LRP1: variants seen among roughly 807,000 people sequenced by gnomAD.
LRP1 encodes the protein LDL receptor related protein 1, also known as prolow-density lipoprotein receptor-related protein 1.
A neutral mutation model predicts 541.5 loss-of-function variants in LRP1; 51 were observed. That is an observed-to-expected ratio of 0.09 (90% CI 0.08 to 0.12). The LOEUF (loss-of-function observed/expected upper bound fraction) is 0.12, where lower values mean the gene tolerates loss of function less well. Among genes scored for constraint, LRP1 ranks in the 10% least tolerant of loss-of-function variants. The probability of loss-of-function intolerance (pLI) is 1.00; values close to 1 mark genes in which losing one functional copy is unlikely to be tolerated. For synonymous variants in LRP1, 2,219 were observed against 2,470.8 expected, an observed-to-expected ratio of 0.90 and a Z score of 3.02; for missense variants, 3,878 against 6,376.2, an observed-to-expected ratio of 0.61 and a Z score of 13.34.
intron 70 of LRP1, chr12:57,203,767 C>G: frequency 2.1e-6 from 1 of 485,126 alleles, no homozygotes; most frequent in South Asian, 3.6e-5. Context: ...GTCTAGGGGA[C>G]CAGTTGAGCT....
At position 57,202,543 on chromosome 12, in the gene LRP1, T is replaced by TTGCC; in HGVS notation, c.10711+6_10711+7insTGCC. 1.3e-6 allele frequency: 2 copies of TTGCC among 1,523,634 alleles called. No homozygotes were observed. The highest frequency in any genetic ancestry group is 8.9e-7 in the Non-Finnish European group (1 of 1,124,810). The allele number at this position is 1,523,634 out of a possible 1,614,324, so 94.4% of individuals were successfully genotyped here. A position where few individuals can be genotyped will look rare whatever the true frequency, so the allele number is the denominator to read the frequency against. On this transcript the variant is annotated splice_region_variant and intron_variant, in intron 68 of 88. Transcript: ENST00000243077. The stretch of plus-strand genomic sequence containing the variant: ...CTCCGATGAAGAGAGCTGCAGTACG[T>TTGCC]CCCCACCCACCCAGCCCCGCATGAG...
chr12:57,195,533 A>G, intron 52 of LRP1, 125 bp from the exon 53 acceptor site: 9 of 1,571,940 alleles, frequency 5.7e-6, no homozygotes, highest in Non-Finnish European at 7.8e-6. Context: ...GCTGTAGCCC[A>G]GGTGTCCAGA....
rs2036101543 is a variant in LRP1, at chr12:57,178,798, G to A, written c.4607-92G>A. The A allele has an allele frequency of 1.1e-5, 17 of 1,533,346 alleles. No individual in the cohort carries two copies. The South Asian group carries it at 1.9e-4, about 17-fold the overall frequency. 95.0% of individuals were successfully genotyped at this position (1,533,346 alleles called of 1,614,324 possible). A position where few individuals can be genotyped will look rare whatever the true frequency, so the allele number is the denominator to read the frequency against. On this transcript the variant is annotated intron_variant, in intron 27 of 88. Transcript: ENST00000243077. This position sits in a 1 kb window ranked among gnomAD's most constrained non-coding sequence, Gnocchi z 5.8. ...TAGTAGTAGCGGCTGCTGGAACAGG[G>A]GGAGGAGAGTGGGCGAGGAAGGGGT...
chr12:57,178,253 T>C lies in LRP1; in HGVS notation c.4362-106T>C, dbSNP rs2036089733. 1.5e-6 allele frequency: 2 copies of C among 1,354,786 alleles called. No individual in the cohort carries two copies. The highest frequency in any genetic ancestry group is 4.8e-5 in the East Asian group (2 of 41,424). 83.9% of individuals were successfully genotyped at this position (1,354,786 alleles called of 1,614,324 possible). On this transcript the variant is annotated intron_variant, in intron 26 of 88. Coordinates refer to ENST00000243077, the MANE Select transcript of LRP1 (RefSeq NM_002332.3). The surrounding 1 kb of genome is among the most constrained non-coding windows in gnomAD (Gnocchi z 5.8). ...TAGGGGAGGGAATGGTCCCATGCTC[T>C]TCGCTGGGAGGGCTGTGGCCAGGGC...
chr12:57,140,957 C>T (rs1044119088), intron 2 of LRP1, among the ~76,000 whole-genome samples: 1 of 152,146 alleles, frequency 6.6e-6, no homozygotes, highest in African/African-American at 2.4e-5. Context: ...TCATCTTGAA[C>T]TCCTGACCTC....
Position 57,165,740 on chromosome 12 carries a change from G to C in LRP1, c.2531-65G>C. On this transcript the variant is annotated intron_variant, in intron 15 of 88. Coordinates refer to ENST00000243077, the MANE Select transcript of LRP1 (RefSeq NM_002332.3). The surrounding 1 kb of genome is among the most constrained non-coding windows in gnomAD (Gnocchi z 4.5). ...GTAAAACAAACAAAAATGGTGCAAA[G>C]GGCTTAGTACTTGTCCCACGACCGG... 1 of 1,528,056 alleles carries C rather than the reference G, an allele frequency of 6.5e-7. No individual in the cohort carries two copies. Among genetic ancestry groups the C allele is most frequent in the Non-Finnish European group, 8.9e-7 (1 of 1,118,600 alleles). 94.7% of individuals were successfully genotyped at this position (1,528,056 alleles called of 1,614,324 possible). A position where few individuals can be genotyped will look rare whatever the true frequency, so the allele number is the denominator to read the frequency against.
chr12:57,195,970 G>A lies in LRP1; in HGVS notation c.8668G>A (p.Glu2890Lys). 1.2e-6 allele frequency: 2 copies of A among 1,613,208 alleles called. No homozygotes were observed. The highest frequency in any genetic ancestry group is 2.2e-5 in the East Asian group (1 of 44,882). ...GAATGACTGCCACGACCAGAGTGAC[G>A]AGGCTCCCAAGAACCCACACTGCAC... ...GENDCHDQSD[E>K]APKNPHCTSQ... The change falls in exon 54 of 89, where the codon GAG becomes AAG. Residue 2890 changes from glutamate (E) to lysine (K), a missense_variant. Glu to Lys is a moderately conservative substitution (Grantham distance 56). Coordinates refer to ENST00000243077, the MANE Select transcript of LRP1 (RefSeq NM_002332.3).
At chr12:57,208,841 G>C in intron 78 of LRP1, 24 bp downstream of exon 78, 1 of 1,581,990 alleles carries the variant, frequency 6.3e-7, no homozygotes, top group Non-Finnish European at 8.7e-7. Context: ...GGTGCAGGAG[G>C]GACGGGCATG....
At chr12:57,141,633 T>C in intron 3 of LRP1, 122 bp downstream of exon 3, 1 of 1,285,554 alleles carries the variant, frequency 7.8e-7, no homozygotes. Flanking sequence ...CTGCCTAGAT[T>C]TACCTTCAGA....
Position 57,195,076 on chromosome 12 carries a change from T to A in LRP1, c.8283T>A (p.Asp2761Glu). 6.2e-7 allele frequency: 1 copy of A among 1,613,968 alleles called. No homozygotes were observed. Among genetic ancestry groups the A allele is most frequent in the Non-Finnish European group, 8.5e-7 (1 of 1,179,902 alleles). Reference sequence around the variant, plus strand: ...GTGACGGCAGCGATGACTGTGGGGATGGCTCAGACGAGGCTGCTCACTGTG... The same window carrying A: ...GTGACGGCAGCGATGACTGTGGGGAAGGCTCAGACGAGGCTGCTCACTGTG... ...WLCDGSDDCG[D>E]GSDEAAHCEG... The change falls in exon 51 of 89, where the codon GAT (aspartate) becomes GAA (glutamate). Residue 2761 changes from aspartate (D) to glutamate (E), a missense_variant. Asp to Glu is a conservative substitution (Grantham distance 45). Coordinates refer to ENST00000243077, the MANE Select transcript of LRP1 (RefSeq NM_002332.3).
intron 33 of LRP1, 150 bp downstream of exon 33, chr12:57,180,957 C>A (rs35097195): frequency 7.9e-7 from 1 of 1,258,346 alleles, no homozygotes; most frequent in Non-Finnish European, 1.1e-6. Context: ...ACCACAAAGG[C>A]GCCTTGTAGG....
rs748657287 is a variant in LRP1 at position 57,196,326 on chromosome 12, A to G, written c.8892+49A>G. On this transcript the variant is annotated intron_variant, in intron 55 of 88. Transcript: ENST00000243077. ...CTTCCACACCCCAGACGTGCCAGGA[A>G]CGCCTTTCTCCACTGCCTTATTCAT... The G allele has an allele frequency of 4.1e-6, 6 of 1,463,114 alleles. No individual in the cohort carries two copies. In the Admixed American group the frequency reaches 1.2e-4, roughly 28 times the overall value. The allele number at this position is 1,463,114 out of a possible 1,614,324, so 90.6% of individuals were successfully genotyped here. A position where few individuals can be genotyped will look rare whatever the true frequency, so the allele number is the denominator to read the frequency against.
chr12:57,183,361 A>C lies in LRP1; in HGVS notation c.5663-18A>C. On this transcript the variant is annotated intron_variant, in intron 34 of 88. Transcript: ENST00000243077. The surrounding 1 kb of genome is among the most constrained non-coding windows in gnomAD (Gnocchi z 6.1). ...GAGTGTTGGCGATACCCATGCCTTA[A>C]GTTTCCTTGTCTTTCAGGCGTAGGT... The C allele has an allele frequency of 6.3e-7, 1 of 1,592,074 alleles. No homozygotes were observed. Among genetic ancestry groups the C allele is most frequent in the Non-Finnish European group, 8.6e-7 (1 of 1,162,436 alleles).
Position 57,197,091 on chromosome 12 carries a change from G to A in LRP1, c.9002G>A (p.Gly3001Asp). The change falls in exon 56 of 89, where the codon GGC becomes GAC. Residue 3001 changes from glycine to aspartate, a missense_variant. Gly to Asp is a moderately conservative substitution (Grantham distance 94). Around this residue, in one of 13 missense-constraint regions of LRP1, gnomAD observed 1,100 missense variants for 1,827.4 expected, o/e 0.60. Coordinates refer to ENST00000243077, the MANE Select transcript of LRP1 (RefSeq NM_002332.3). The surrounding 1 kb of genome is among the most constrained non-coding windows in gnomAD (Gnocchi z 4.5). ...AGCCAGCGCTGCATCAACACTCATG[G>A]CAGCTATAAGTGTCTGTGTGTGGAG... ...PCSQRCINTHGSYKCLCVEGY... is the reference protein window; with the variant it reads ...PCSQRCINTHDSYKCLCVEGY... The A allele has an allele frequency of 6.2e-7, 1 of 1,614,118 alleles. No individual in the cohort carries two copies. The highest frequency in any genetic ancestry group is 2.2e-5 in the East Asian group (1 of 44,884).
At chr12:57,138,039 C>A (rs1307973021) in intron 1 of LRP1, among the ~76,000 whole-genome samples, 1 of 152,050 alleles carries the variant, frequency 6.6e-6, no homozygotes, top group Non-Finnish European at 1.5e-5. Flanking sequence ...TTAGATAAGA[C>A]CAGCTCGGGG....
At position 57,205,758 on chromosome 12, in the gene LRP1, T is replaced by C; in HGVS notation, c.11590+81T>C. The C allele has an allele frequency of 6.4e-7, 1 of 1,567,178 alleles. No homozygotes were observed. Among genetic ancestry groups the C allele is most frequent in the South Asian group, 1.1e-5 (1 of 87,128 alleles). On this transcript the variant is annotated intron_variant, in intron 75 of 88. Coordinates refer to ENST00000243077, the MANE Select transcript of LRP1 (RefSeq NM_002332.3). The surrounding 1 kb of genome is among the most constrained non-coding windows in gnomAD (Gnocchi z 4.6). The stretch of plus-strand genomic sequence containing the variant: ...CAAACGGGGCCGACTTGGAATGGAA[T>C]GTCTTCCTGCGGACATCTTGCCCAG...
Position 57,194,644 on chromosome 12 carries a change from C to A in LRP1, c.8136C>A (p.Ser2712Arg), listed in dbSNP as rs367649924. The A allele has an allele frequency of 6.2e-7, 1 of 1,604,480 alleles. No individual in the cohort carries two copies. The highest frequency in any genetic ancestry group is 1.1e-5 in the South Asian group (1 of 89,882). Residue 2712 changes from serine (S) to arginine (R), a missense_variant, in exon 50 of 89, where the codon AGC becomes AGA. Transcript: ENST00000243077. ...ACPSGRCIPM[S>R]WTCDKEDDCE... ...CTAGTGGGCGCTGCATCCCCATGAG[C>A]TGGACGTGTGACAAAGAGGATGACT...
At position 57,165,875 on chromosome 12, in the gene LRP1, C is replaced by G; in HGVS notation, c.2601C>G (p.Ile867Met). 6.2e-7 allele frequency: 1 copy of G among 1,614,230 alleles called. No homozygotes were observed. Among genetic ancestry groups the G allele is most frequent in the Non-Finnish European group, 8.5e-7 (1 of 1,180,042 alleles). The change falls in exon 16 of 89, where the codon ATC becomes ATG. Residue 867 changes from isoleucine (I) to methionine (M), a missense_variant. Physicochemically the swap from Ile to Met is conservative, Grantham distance 10. Coordinates refer to ENST00000243077, the MANE Select transcript of LRP1 (RefSeq NM_002332.3). This position sits in a 1 kb window ranked among gnomAD's most constrained non-coding sequence, Gnocchi z 4.5. ...TTGCCTGTGCCAACAGCCGCTGCATCCAGGAGCGCTGGAAGTGTGACGGAG... is the reference window on the plus strand; with the variant it reads ...TTGCCTGTGCCAACAGCCGCTGCATGCAGGAGCGCTGGAAGTGTGACGGAG... Reference protein sequence around the residue: ...GEFACANSRCIQERWKCDGDN... With the variant: ...GEFACANSRCMQERWKCDGDN...
chr12:57,184,523 C>A lies in LRP1; in HGVS notation c.6186+71C>A. On this transcript the variant is annotated intron_variant, in intron 38 of 88. Coordinates refer to ENST00000243077, the MANE Select transcript of LRP1 (RefSeq NM_002332.3). The surrounding 1 kb of genome is among the most constrained non-coding windows in gnomAD (Gnocchi z 7.8). ...CCAGGCTCCTGTTCCCTGTGATGAG[C>A]CCATTCTGGGAGGACTTGGAGCCCA... 1 of 1,592,376 alleles carries A rather than the reference C, an allele frequency of 6.3e-7. No homozygotes were observed.
Sources: gnomAD v4.1 joint callset for allele counts (sites outside exome capture counted in the v4.1 genomes callset) on GRCh38, gnomAD v4.1.1 for gene constraint, gnomAD v4.1.1 regional missense constraint, Gnocchi (gnomAD v3.1) non-coding constraint, MANE v1.5 for transcripts, NCBI Gene and HGNC (gene_info 2026-07-23, HGNC 2026-07-21) for gene names.